Variants in TRIM27 observed in about 807,000 individuals in gnomAD.
TRIM27 encodes the protein tripartite motif containing 27, also known as zinc finger protein RFP.
A neutral mutation model predicts 57.6 loss-of-function variants in TRIM27; 12 were observed. That is an observed-to-expected ratio of 0.21 (90% CI 0.13 to 0.34). TRIM27 has a LOEUF of 0.34. TRIM27 is among the 10% of genes least tolerant of loss of function. The probability of loss-of-function intolerance (pLI) is 1.00; values close to 1 mark genes in which losing one functional copy is unlikely to be tolerated. For missense variants in TRIM27, 403 were observed against 656.8 expected, an observed-to-expected ratio of 0.61 and a Z score of 4.22; for synonymous variants, 266 against 259.0, an observed-to-expected ratio of 1.03 and a Z score of -0.26.
At chr6:28,923,003 T>TG (rs1774164491) in intron 1 of TRIM27, among the ~76,000 whole-genome samples, 1 of 151,614 alleles carries the variant, frequency 6.6e-6, no homozygotes, top group Non-Finnish European at 1.5e-5. Context: ...GAAAAGAGAG[T>TG]GGGGGTGGGG....
intron 3 of TRIM27, among the ~76,000 whole-genome samples, chr6:28,917,885 G>A (rs961475570): frequency 1.3e-5 from 2 of 150,998 alleles, no homozygotes; most frequent in Non-Finnish European, 2.9e-5. Flanking sequence ...GGAATGCAAT[G>A]GCGCAATCTC....
In TRIM27 at chr6:28,911,726, A is replaced by G; in HGVS notation, c.748-8T>C. ...CAATGTGTCCCCAATGTCCTGCAAG[A>G]GAAAGGAAAAAAAATAACCATGAGA... is the stretch of plus-strand genomic sequence containing the variant. On this transcript the variant is annotated splice_region_variant and splice_polypyrimidine_tract_variant and intron_variant, in intron 3 of 7. Transcript: ENST00000377199. 6.2e-7 allele frequency: 1 copy of G among 1,611,198 alleles called. No homozygotes were observed. Among genetic ancestry groups the G allele is most frequent in the Non-Finnish European group, 8.5e-7 (1 of 1,179,186 alleles).
In TRIM27 at chr6:28,904,866, A is replaced by C; in HGVS notation, c.947-201T>G. ...TTACCAGAATACTCTGAAAATACAG[A>C]ATTTTAGCCCCGTATCTTTTCTTTC... On this transcript the variant is annotated intron_variant, in intron 7 of 7. Coordinates refer to ENST00000377199, the MANE Select transcript of TRIM27 (RefSeq NM_006510.5). This position sits in a 1 kb window ranked among gnomAD's most constrained non-coding sequence, Gnocchi z 6.1. The C allele has an allele frequency of 1.8e-6, 1 of 565,930 alleles. No individual in the cohort carries two copies. The highest frequency in any genetic ancestry group is 3.1e-6 in the Non-Finnish European group (1 of 319,764). The allele number at this position is 565,930 out of a possible 1,614,324, so 35.1% of individuals were successfully genotyped here.
At chr6:28,914,643 G>A (rs963314154) in intron 3 of TRIM27, 6 of 150,634 alleles carry the variant, frequency 4.0e-5, no homozygotes, top group African/African-American at 1.5e-4. Context: ...TGGGTACCTG[G>A]GTGATGGTTA....
At chr6:28,911,618 C>T (rs532297113) in intron 4 of TRIM27, 78 bp downstream of exon 4, 2 of 1,456,116 alleles carry the variant, frequency 1.4e-6, no homozygotes, top group African/African-American at 2.8e-5. Context: ...AGGCTCAGGG[C>T]TCCTTTCAGG....
chr6:28,909,539 T>G (rs1325364861), intron 4 of TRIM27, among the ~76,000 whole-genome samples: 1 of 152,224 alleles, frequency 6.6e-6, no homozygotes, highest in Non-Finnish European at 1.5e-5. Context: ...TCCTGAGCTA[T>G]GATCCTCTAG....
chr6:28,907,734 T>C (rs978400460), intron 6 of TRIM27: 3 of 401,112 alleles, frequency 7.5e-6, no homozygotes, highest in Admixed American at 3.5e-5. Context: ...TCTCACACAT[T>C]ATCCCACTAA....
At chr6:28,922,469 ATGT>A (rs1774120776) in intron 1 of TRIM27, among the ~76,000 whole-genome samples, 1 of 152,318 alleles carries the variant, frequency 6.6e-6, no homozygotes, top group African/African-American at 2.4e-5. Context: ...AGGTCCATAA[ATGT>A]TAAGTGATTG....
At position 28,921,963 on chromosome 6, in the gene TRIM27, G is replaced by A. The variant is rs1774072014; in HGVS notation, c.445C>T (p.His149Tyr). 1 of 1,613,090 alleles carries A rather than the reference G, an allele frequency of 6.2e-7. No homozygotes were observed. Among genetic ancestry groups the A allele is most frequent in the Non-Finnish European group, 8.5e-7 (1 of 1,180,030 alleles). ...TTTAAATCTTTCACTCTTTTTAAAT[G>A]GTCGAGCTGGTTCTGGATTTGCTCC... is the stretch of plus-strand genomic sequence containing the variant. ...FKEQIQNQLD[H>Y]LKRVKDLKKR... Residue 149 changes from histidine (H) to tyrosine (Y), a missense_variant, in exon 2 of 8, where the codon CAT becomes TAT. Transcript: ENST00000377199.
intron 3 of TRIM27, among the ~76,000 whole-genome samples, chr6:28,918,973 C>T (rs962893645): frequency 1.4e-4 from 22 of 151,974 alleles, no homozygotes; most frequent in Admixed American, 1.2e-3. Flanking sequence ...ATTTGCTGAC[C>T]CTTGCCCTAT....
Position 28,903,938 on chromosome 6 carries a change from C to T in TRIM27, c.*132G>A. 1.4e-6 allele frequency: 1 copy of T among 690,340 alleles called. No individual in the cohort carries two copies. 42.8% of individuals were successfully genotyped at this position (690,340 alleles called of 1,614,324 possible). A position where few individuals can be genotyped will look rare whatever the true frequency, so the allele number is the denominator to read the frequency against. On this transcript the variant is annotated 3_prime_UTR_variant, in exon 8 of 8. Coordinates refer to ENST00000377199, the MANE Select transcript of TRIM27 (RefSeq NM_006510.5). ...AAAGGATGGTAGAGAACATGGACAT[C>T]CTGTCTCCCACTGCAAGGGCGTGGA...
chr6:28,905,373 A>T (rs1447164408), intron 7 of TRIM27: 1 of 152,226 alleles, frequency 6.6e-6, no homozygotes, highest in East Asian at 1.9e-4. Flanking sequence ...TGTTTACATA[A>T]TGAAGGATAA....
Position 28,920,021 on chromosome 6 carries a change from C to A in TRIM27, c.738G>T (p.Glu246Asp), listed in dbSNP as rs1456038419. 2 of 1,612,124 alleles carry A rather than the reference C, an allele frequency of 1.2e-6. No homozygotes were observed. Among genetic ancestry groups the A allele is most frequent in the Non-Finnish European group, 1.7e-6 (2 of 1,179,396 alleles). Residue 246 changes from glutamate (E) to aspartate (D), a missense_variant, in exon 3 of 8, where the codon GAG becomes GAT. Glu to Asp is a conservative substitution (Grantham distance 45). Coordinates refer to ENST00000377199, the MANE Select transcript of TRIM27 (RefSeq NM_006510.5). Reference sequence around the variant, plus strand: ...GCTCTGCAAGCCTTACCTGCAGGAGCTCCCTGGTGGGCTGCTGCTGCTTCT... The same window carrying A: ...GCTCTGCAAGCCTTACCTGCAGGAGATCCCTGGTGGGCTGCTGCTGCTTCT... ...LEEKQQQPTR[E>D]LLQDIGDTLS...
intron 7 of TRIM27, chr6:28,906,318 C>A (rs2150459169): frequency 6.6e-6 from 1 of 152,256 alleles, no homozygotes; most frequent in Non-Finnish European, 1.5e-5. Flanking sequence ...CCAAACATTA[C>A]CTCTCAGAAA....
chr6:28,908,075 G>A (rs1350259516), intron 6 of TRIM27: 2 of 167,202 alleles, frequency 1.2e-5, no homozygotes, highest in Non-Finnish European at 2.6e-5. Context: ...TTCCTGGGTG[G>A]AATAATATAT....
At chr6:28,907,662 C>G in intron 6 of TRIM27, 1 of 505,776 alleles carries the variant, frequency 2.0e-6, no homozygotes. Flanking sequence ...GTGACACTCA[C>G]TGACACTCTG....
intron 3 of TRIM27, among the ~76,000 whole-genome samples, chr6:28,914,404 G>A (rs1773448250): frequency 6.6e-6 from 1 of 151,502 alleles, no homozygotes; most frequent in Non-Finnish European, 1.5e-5. Context: ...CAAAGTACTG[G>A]GATTACAGGT....
chr6:28,910,667 T>A lies in TRIM27; in HGVS notation c.770+1029A>T, dbSNP rs553350803. Among the ~76,000 whole-genome samples the A allele has an allele frequency of 5.8e-4, 89 of 152,292 alleles. 1 individual carries two copies. Among genetic ancestry groups the A allele is most frequent in the Admixed American group, 5.8e-3 (88 of 15,300 alleles). On this transcript the variant is annotated intron_variant, in intron 4 of 7. Transcript: ENST00000377199. The stretch of plus-strand genomic sequence containing the variant: ...TTATTATGTTTAAGCCTTAAGCCAA[T>A]AAAATTTTGGGTTTCCTATCTTATA...
intron 1 of TRIM27, among the ~76,000 whole-genome samples, chr6:28,922,710 C>G (rs1218520717): frequency 6.6e-6 from 1 of 152,190 alleles, no homozygotes; most frequent in Non-Finnish European, 1.5e-5. Flanking sequence ...TCTCCTGAGT[C>G]TCAGAGTGGT....
Sources: gnomAD v4.1 joint callset for allele counts (sites outside exome capture counted in the v4.1 genomes callset) on GRCh38, gnomAD v4.1.1 for gene constraint, Gnocchi (gnomAD v3.1) non-coding constraint, MANE v1.5 for transcripts, NCBI Gene and HGNC (gene_info 2026-07-23, HGNC 2026-07-21) for gene names.